Variants in FHIT observed in about 807,000 individuals in gnomAD.
The protein encoded by FHIT is bis(5'-adenosyl)-triphosphatase.
In FHIT, 19 loss-of-function variants were observed where a neutral mutation model predicts 17.9. The observed-to-expected ratio is 1.06, with a 90% CI of 0.74 to 1.56. The LOEUF is 1.56. Among genes scored for constraint, FHIT ranks in the 40% most tolerant of loss-of-function variants. The pLI, the probability that FHIT is intolerant of heterozygous loss-of-function variation, is 0.00. For synonymous variants in FHIT, 81 were observed against 69.7 expected (o/e 1.16, Z -0.81); for missense variants, 248 against 189.2 (o/e 1.31, Z -1.82).
At chr3:60,859,346 T>C (rs895356164) in intron 3 of FHIT, among the ~76,000 whole-genome samples, 1 of 152,114 alleles carries the variant, frequency 6.6e-6, no homozygotes, top group African/African-American at 2.4e-5. Flanking sequence ...TAGATGTTAA[T>C]GGTATTAATA....
rs935391402 is a variant in FHIT at position 60,353,883 on chromosome 3, A to G, written c.103+182977T>C. On this transcript the variant is annotated intron_variant, in intron 5 of 9. Transcript: ENST00000492590. ...AGTTGACATTCATACAGTCCTGTTC[A>G]GCTGATAGCTTTTTTAGAGAGAAAT... Among the ~76,000 whole-genome samples the G allele has an allele frequency of 3.5e-4, 54 of 152,290 alleles. 1 individual carries two copies. The highest frequency in any genetic ancestry group is 1.3e-3 in the African/African-American group (53 of 41,560).
intron 4 of FHIT, among the ~76,000 whole-genome samples, chr3:60,702,573 T>A (rs897026728): frequency 1.3e-5 from 2 of 152,020 alleles, no homozygotes; most frequent in Non-Finnish European, 2.9e-5. Flanking sequence ...AAAGAAAAAA[T>A]TTGATTTTTA....
At chr3:60,399,372 A>G (rs1165282833) in intron 5 of FHIT, among the ~76,000 whole-genome samples, 1 of 152,144 alleles carries the variant, frequency 6.6e-6, no homozygotes, top group Non-Finnish European at 1.5e-5. Context: ...CTCCCAAAAG[A>G]TGAGCACAAA....
At chr3:60,714,235 C>A (rs550100825) in intron 4 of FHIT, among the ~76,000 whole-genome samples, 8 of 148,396 alleles carry the variant, frequency 5.4e-5, no homozygotes, top group South Asian at 2.2e-4. Context: ...ATTCAACAAC[C>A]CTTCATGCTA....
At chr3:59,996,454 A>G (rs1699515533) in intron 7 of FHIT, among the ~76,000 whole-genome samples, 1 of 152,080 alleles carries the variant, frequency 6.6e-6, no homozygotes, top group Admixed American at 6.6e-5. Context: ...TCAGGGGAAT[A>G]GGAGGCCCCT....
intron 5 of FHIT, among the ~76,000 whole-genome samples, chr3:60,321,061 C>T (rs764064053): frequency 6.6e-6 from 1 of 152,086 alleles, no homozygotes; most frequent in Non-Finnish European, 1.5e-5. Context: ...TCACAGATAC[C>T]GAAAACATGC....
At chr3:60,450,335 G>A (rs2031652322) in intron 5 of FHIT, among the ~76,000 whole-genome samples, 1 of 152,060 alleles carries the variant, frequency 6.6e-6, no homozygotes, top group Admixed American at 6.6e-5. Flanking sequence ...GTGGTTCACT[G>A]TTGACTGAAA....
intron 5 of FHIT, among the ~76,000 whole-genome samples, chr3:60,433,934 T>C (rs533854930): frequency 2.0e-5 from 3 of 152,244 alleles, no homozygotes; most frequent in African/African-American, 7.2e-5. Context: ...TAGTTTCAAT[T>C]GTCTATTTTT....
chr3:60,223,047 T>C (rs907684532), intron 5 of FHIT, among the ~76,000 whole-genome samples: 1 of 152,172 alleles, frequency 6.6e-6, no homozygotes, highest in Non-Finnish European at 1.5e-5. Context: ...CCCATACGTA[T>C]GCATTTACAC....
At chr3:60,384,572 C>T (rs894725132) in intron 5 of FHIT, among the ~76,000 whole-genome samples, 11 of 152,072 alleles carry the variant, frequency 7.2e-5, no homozygotes, top group Non-Finnish European at 1.3e-4. Flanking sequence ...CTTGCTTTGT[C>T]GCTTTATTAC....
chr3:60,830,171 T>A (rs1702282269), intron 3 of FHIT, among the ~76,000 whole-genome samples: 1 of 152,170 alleles, frequency 6.6e-6, no homozygotes, highest in African/African-American at 2.4e-5. Context: ...TATCTCTGGG[T>A]ATCTTCCACG....
intron 5 of FHIT, among the ~76,000 whole-genome samples, chr3:60,301,687 A>G (rs1012865254): frequency 1.3e-5 from 2 of 152,172 alleles, no homozygotes; most frequent in African/African-American, 4.8e-5. Flanking sequence ...GATACTCTTT[A>G]ACGGGTTTTA....
intron 5 of FHIT, among the ~76,000 whole-genome samples, chr3:60,470,473 ATC>A (rs1176300430): frequency 6.6e-6 from 1 of 151,738 alleles, no homozygotes; most frequent in Non-Finnish European, 1.5e-5. Context: ...AAGCAGAGGA[ATC>A]TCTCTGACCA....
intron 5 of FHIT, among the ~76,000 whole-genome samples, chr3:60,300,188 T>A (rs1708393572): frequency 6.6e-6 from 1 of 152,146 alleles, no homozygotes; most frequent in South Asian, 2.1e-4. Flanking sequence ...ATTTTTTACT[T>A]GTCCTAAATG....
At chr3:59,770,518 A>G (rs1702026813) in intron 8 of FHIT, among the ~76,000 whole-genome samples, 1 of 152,198 alleles carries the variant, frequency 6.6e-6, no homozygotes, top group African/African-American at 2.4e-5. Context: ...AATGCCAAAG[A>G]TCATCAGCAA....
intron 3 of FHIT, among the ~76,000 whole-genome samples, chr3:61,026,508 T>C (rs1028809649): frequency 6.6e-6 from 1 of 152,212 alleles, no homozygotes; most frequent in African/African-American, 2.4e-5. Flanking sequence ...CAGCCTTACC[T>C]GATCATAGAA....
rs908041871 is a variant in FHIT, at chr3:60,434,323, T to C, written c.103+102537A>G. The stretch of plus-strand genomic sequence containing the variant: ...ATCTCAAAGTAAATCCATATGTGAA[T>C]AGTCACTTTTAAAGAATAGGCAAGT... On this transcript the variant is annotated intron_variant, in intron 5 of 9. Coordinates refer to ENST00000492590, the MANE Select transcript of FHIT (RefSeq NM_002012.4). 3.3e-5 allele frequency among the ~76,000 whole-genome samples: 5 copies of C among 152,112 alleles called. No homozygotes were observed. In the South Asian group the frequency reaches 8.3e-4, roughly 25 times the overall value.
chr3:60,407,324 G>A (rs2107212229), intron 5 of FHIT, among the ~76,000 whole-genome samples: 2 of 151,976 alleles, frequency 1.3e-5, no homozygotes, highest in South Asian at 2.1e-4. Context: ...TGCCTAGTAG[G>A]TCCAGAGGGT....
intron 5 of FHIT, among the ~76,000 whole-genome samples, chr3:60,361,335 G>T (rs772676019): frequency 3.9e-5 from 6 of 152,200 alleles, no homozygotes; most frequent in South Asian, 2.1e-4. Flanking sequence ...CAAGAGAGGA[G>T]AGGTGTTTGT....
Sources: gnomAD v4.1 joint callset for allele counts (sites outside exome capture counted in the v4.1 genomes callset) on GRCh38, gnomAD v4.1.1 for gene constraint, MANE v1.5 for transcripts, NCBI Gene and HGNC (gene_info 2026-07-23, HGNC 2026-07-21) for gene names.